The following DOCK8 variants were observed in gnomAD, a reference collection of about 807,000 sequenced individuals.
The protein encoded by DOCK8 is dedicator of cytokinesis protein 8.
In DOCK8, 141 loss-of-function variants were observed where a neutral mutation model predicts 245.6. The ratio of observed to expected loss-of-function variants is 0.57; its 90% CI spans 0.50 to 0.66. DOCK8 has a LOEUF of 0.66. DOCK8 is among the 30% of genes least tolerant of loss of function. DOCK8 has a pLI of 0.00. For synonymous variants in DOCK8, 1,168 were observed against 970.2 expected (o/e 1.20, Z -3.79); for missense variants, 2,965 against 2,603.4 (o/e 1.14, Z -3.02).
At chr9:336,862 A>C in intron 12 of DOCK8, 144 bp downstream of exon 12, 1 of 1,050,936 alleles carries the variant, frequency 9.5e-7, no homozygotes. Flanking sequence ...CTTATAATAG[A>C]GTATCTGAAA....
intron 43 of DOCK8, among the ~76,000 whole-genome samples, chr9:445,940 C>G (rs1249317796): frequency 6.6e-6 from 1 of 152,220 alleles, no homozygotes; most frequent in Non-Finnish European, 1.5e-5. Flanking sequence ...TATGACAGCT[C>G]TAGCTGATCT....
chr9:307,892 A>G (rs2049922652), intron 5 of DOCK8, among the ~76,000 whole-genome samples: 1 of 152,236 alleles, frequency 6.6e-6, no homozygotes, highest in South Asian at 2.1e-4. Flanking sequence ...CCATAAAAAA[A>G]TGAAGTCCTG....
intron 1 of DOCK8, among the ~76,000 whole-genome samples, chr9:246,244 G>A (rs772790574): frequency 4.6e-5 from 7 of 151,968 alleles, no homozygotes; most frequent in Non-Finnish European, 7.4e-5. Flanking sequence ...CATCTGGCCA[G>A]GTGTGGTTGC....
intron 1 of DOCK8, among the ~76,000 whole-genome samples, chr9:270,447 G>T (rs1198234356): frequency 6.6e-6 from 1 of 152,156 alleles, no homozygotes; most frequent in Non-Finnish European, 1.5e-5. Context: ...TTGGCATCTT[G>T]AAAGGAAACT....
chr9:399,140 T>C lies in DOCK8; in HGVS notation c.3121-6T>C, dbSNP rs375848257. 1.9e-6 allele frequency: 3 copies of C among 1,613,618 alleles called. No individual in the cohort carries two copies. Among genetic ancestry groups the C allele is most frequent in the Non-Finnish European group, 2.5e-6 (3 of 1,179,838 alleles). The stretch of plus-strand genomic sequence containing the variant: ...AAAATGATTTGGGTGTTTGTTTGTT[T>C]TTAAGGAAAATGAACAGGCGGAAAA... On this transcript the variant is annotated splice_region_variant and splice_polypyrimidine_tract_variant and intron_variant, in intron 25 of 47. Coordinates refer to ENST00000432829, the MANE Select transcript of DOCK8 (RefSeq NM_203447.4).
intron 1 of DOCK8, among the ~76,000 whole-genome samples, chr9:221,686 G>C (rs1264561524): frequency 6.6e-6 from 1 of 151,654 alleles, no homozygotes; most frequent in Non-Finnish European, 1.5e-5. Context: ...GCCAGGTGTG[G>C]TGGCAGGTGC....
intron 1 of DOCK8, among the ~76,000 whole-genome samples, chr9:267,639 T>C (rs1468271297): frequency 1.3e-5 from 2 of 152,256 alleles, no homozygotes; most frequent in Non-Finnish European, 2.9e-5. Flanking sequence ...TATATTGTTA[T>C]ACTGTTGTGT....
intron 20 of DOCK8, 25 bp from the exon 21 acceptor site, chr9:379,746 A>G: frequency 1.2e-6 from 2 of 1,613,878 alleles, no homozygotes; most frequent in South Asian, 1.1e-5. Context: ...CTGTGGGACT[A>G]CCCATTTTTC....
At chr9:283,147 G>A (rs1366146413) in intron 2 of DOCK8, among the ~76,000 whole-genome samples, 1 of 152,192 alleles carries the variant, frequency 6.6e-6, no homozygotes, top group South Asian at 2.1e-4. Flanking sequence ...ATGTGAGTCT[G>A]CCTTGGTTTG....
chr9:265,997 A>C (rs952505258), intron 1 of DOCK8, among the ~76,000 whole-genome samples: 4 of 152,220 alleles, frequency 2.6e-5, no homozygotes, highest in African/African-American at 9.6e-5. Context: ...ATATTTTATA[A>C]AGAAATGAGG....
chr9:282,413 G>GTTTTTTTTTTTTTTTTT (rs58014606), intron 2 of DOCK8, among the ~76,000 whole-genome samples: 2 of 131,768 alleles, frequency 1.5e-5, no homozygotes, highest in Non-Finnish European at 1.6e-5. Flanking sequence ...GTTTCGTTTT[G>GTTTTTTTTTTTTTTTTT]TTTTTTTTTT....
At chr9:298,898 TAA>T (rs531586561) in intron 4 of DOCK8, among the ~76,000 whole-genome samples, 10 of 139,084 alleles carry the variant, frequency 7.2e-5, no homozygotes, top group Non-Finnish European at 6.3e-5. Context: ...TACAAGTCCT[TAA>T]AAAAAAAAAA....
chr9:425,560 G>A (rs555259985), intron 33 of DOCK8, among the ~76,000 whole-genome samples: 37 of 149,226 alleles, frequency 2.5e-4, no homozygotes, highest in African/African-American at 8.7e-4. Context: ...AAAAAAAAAG[G>A]ATGATGAGGT....
At chr9:424,859 A>G (rs576980102) in intron 33 of DOCK8, among the ~76,000 whole-genome samples, 1 of 152,348 alleles carries the variant, frequency 6.6e-6, no homozygotes, top group African/African-American at 2.4e-5. Flanking sequence ...AAAATTTGGG[A>G]AAAAACAGAT....
At chr9:389,380 CT>C (rs146455350) in intron 23 of DOCK8, among the ~76,000 whole-genome samples, 245 of 152,278 alleles carry the variant, frequency 1.6e-3, no homozygotes, top group African/African-American at 5.6e-3. Flanking sequence ...AGCTGGGGGA[CT>C]TTCCAAGCAT....
intron 24 of DOCK8, among the ~76,000 whole-genome samples, chr9:393,975 G>C (rs975632407): frequency 6.6e-6 from 1 of 152,176 alleles, no homozygotes; most frequent in African/African-American, 2.4e-5. Context: ...CAAGAGTATA[G>C]CAGAGTAACT....
At chr9:259,079 G>C (rs2047853855) in intron 1 of DOCK8, among the ~76,000 whole-genome samples, 1 of 152,170 alleles carries the variant, frequency 6.6e-6, no homozygotes, top group African/African-American at 2.4e-5. Flanking sequence ...GGCTGAGGCA[G>C]GAGGATCACC....
chr9:306,299 C>T (rs1370266923), intron 5 of DOCK8, among the ~76,000 whole-genome samples: 3 of 152,170 alleles, frequency 2.0e-5, no homozygotes, highest in Non-Finnish European at 4.4e-5. Context: ...AATCAGCCAT[C>T]ATTTCCAGCG....
intron 26 of DOCK8, among the ~76,000 whole-genome samples, chr9:400,279 ACTT>A (rs1381981805): frequency 7.9e-4 from 38 of 48,270 alleles, no homozygotes; most frequent in African/African-American, 4.5e-3. Flanking sequence ...CATCACCACC[ACTT>A]CCTTCACCAC....
Sources: allele counts gnomAD v4.1 joint callset (sites outside exome capture counted in the v4.1 genomes callset), GRCh38; gene constraint gnomAD v4.1.1; transcripts MANE v1.5; gene names NCBI Gene and HGNC (gene_info 2026-07-23, HGNC 2026-07-21).